Variants in TNFRSF10A observed in about 807,000 individuals in gnomAD.
TNFRSF10A encodes the protein TNF receptor superfamily member 10a, also known as tumor necrosis factor receptor superfamily member 10A.
TNFRSF10A carries 44 observed loss-of-function variants against 42.8 expected under a neutral mutation model. That is an observed-to-expected ratio of 1.03 (90% CI 0.81 to 1.32). The LOEUF is 1.32. Among genes scored for constraint, TNFRSF10A ranks in the 40% most tolerant of loss-of-function variants. TNFRSF10A has a pLI of 0.00. For synonymous variants in TNFRSF10A, 259 were observed against 234.2 expected (o/e 1.11, Z -0.97); for missense variants, 680 against 602.0 (o/e 1.13, Z -1.36).
At chr8:23,211,087 A>G (rs1801086672) in intron 2 of TNFRSF10A, among the ~76,000 whole-genome samples, 1 of 152,230 alleles carries the variant, frequency 6.6e-6, no homozygotes, top group Non-Finnish European at 1.5e-5. Context: ...AATAAAAAGC[A>G]TCCAGATTGG....
At chr8:23,224,595 A>C (rs2128852677) in intron 1 of TNFRSF10A, 161 bp downstream of exon 1, 1 of 957,796 alleles carries the variant, frequency 1.0e-6, no homozygotes, top group African/African-American at 1.7e-5. Context: ...GGCCCCGGGG[A>C]CCCCGTTCTT....
intron 9 of TNFRSF10A, among the ~76,000 whole-genome samples, chr8:23,195,851 C>T (rs963565553): frequency 6.6e-6 from 1 of 152,142 alleles, no homozygotes; most frequent in African/African-American, 2.4e-5. Context: ...CATGATGCCC[C>T]TCCTCAACCA....
chr8:23,218,012 G>A (rs1183623795), intron 1 of TNFRSF10A, among the ~76,000 whole-genome samples: 1 of 152,192 alleles, frequency 6.6e-6, no homozygotes, highest in African/African-American at 2.4e-5. Flanking sequence ...AGGCAGTCGG[G>A]GAGGGCAGTC....
rs577828128 is a variant in TNFRSF10A, at chr8:23,198,775, G to A, written c.1014+491C>T. 5.9e-5 allele frequency among the ~76,000 whole-genome samples: 9 copies of A among 152,202 alleles called. 1 individual carries two copies. The highest frequency in any genetic ancestry group is 1.3e-4 in the Admixed American group (2 of 15,286). ...TGTACATGCATGTGTGTGCATGTGC[G>A]TGTATGTGCGTGTACACAGTAAGCA... On this transcript the variant is annotated intron_variant, in intron 8 of 9. Transcript: ENST00000221132.
At chr8:23,207,770 A>T (rs1401159319) in intron 2 of TNFRSF10A, among the ~76,000 whole-genome samples, 2 of 152,128 alleles carry the variant, frequency 1.3e-5, no homozygotes. Context: ...CATCCATGTA[A>T]GACATGACTT....
Position 23,199,364 on chromosome 8 carries a change from G to A in TNFRSF10A, c.916C>T (p.Leu306=), listed in dbSNP as rs765974182. The part of the protein sequence containing the change: ...HNEILSNADS[L]STFVSEQQME... ...TGCTGCTCAGAGACGAAAGTGGACA[G>A]CGAGTCTGCGTTGCTCAGAATCTCG... The change falls in exon 8 of 10, where the codon CTG becomes TTG. Residue 306 remains leucine, a synonymous_variant. Transcript: ENST00000221132. 5 of 1,614,210 alleles carry A rather than the reference G, an allele frequency of 3.1e-6. No homozygotes were observed. The highest frequency in any genetic ancestry group is 4.5e-5 in the East Asian group (2 of 44,892).
rs750934579 is a variant in TNFRSF10A at position 23,202,770 on chromosome 8, G to T, written c.404-9C>A. ...TTCTGATCTATGAGATCCTGGGAAGGGAGAGAAAAGCCAATGAATGAATTG... is the reference window on the plus strand; with the variant it reads ...TTCTGATCTATGAGATCCTGGGAAGTGAGAGAAAAGCCAATGAATGAATTG... On this transcript the variant is annotated splice_polypyrimidine_tract_variant and intron_variant, in intron 2 of 9. Transcript: ENST00000221132. The T allele has an allele frequency of 1.3e-6, 2 of 1,591,770 alleles. No homozygotes were observed. Among genetic ancestry groups the T allele is most frequent in the African/African-American group, 1.3e-5 (1 of 74,726 alleles).
At chr8:23,220,424 C>A (rs1425854543) in intron 1 of TNFRSF10A, among the ~76,000 whole-genome samples, 1 of 152,216 alleles carries the variant, frequency 6.6e-6, no homozygotes, top group Non-Finnish European at 1.5e-5. Flanking sequence ...GACACTCAGG[C>A]TATCAAAGAG....
Position 23,217,117 on chromosome 8 carries a change from A to G in TNFRSF10A, c.307-4905T>C, listed in dbSNP as rs192026542. On this transcript the variant is annotated intron_variant, in intron 1 of 9. Transcript: ENST00000221132. ...TATCAGTTGCTGAGAAGGGGGTGAC[A>G]TGATCTCCCTTTAATCCTTTTGAGC... is the stretch of plus-strand genomic sequence containing the variant. 2.3e-3 allele frequency among the ~76,000 whole-genome samples: 355 copies of G among 152,346 alleles called. 4 individuals carry two copies. Among genetic ancestry groups the G allele is most frequent in the African/African-American group, 8.0e-3 (333 of 41,582 alleles).
chr8:23,223,433 A>G (rs796778338), intron 1 of TNFRSF10A, among the ~76,000 whole-genome samples: 13 of 152,316 alleles, frequency 8.5e-5, no homozygotes, highest in African/African-American at 3.1e-4. Flanking sequence ...CAGATGTTTC[A>G]CCTTGTCTAT....
chr8:23,205,711 C>CTTTTTT (rs35059862), intron 2 of TNFRSF10A, among the ~76,000 whole-genome samples: 2 of 130,844 alleles, frequency 1.5e-5, no homozygotes, highest in Non-Finnish European at 3.2e-5. Context: ...GTCTGTGTTT[C>CTTTTTT]TTTTTTTTTT....
At position 23,200,775 on chromosome 8, in the gene TNFRSF10A, G is replaced by T; in HGVS notation, c.630-15C>A. 1 of 1,545,476 alleles carries T rather than the reference G, an allele frequency of 6.5e-7. No individual in the cohort carries two copies. On this transcript the variant is annotated splice_polypyrimidine_tract_variant and intron_variant, in intron 4 of 9. Transcript: ENST00000221132. ...CTCTGGGGCACCTGGGTACACACAG[G>T]GAGGGAGGGGGGGGACTCTTGATGG...
At position 23,224,903 on chromosome 8, in the gene TNFRSF10A, T is replaced by G. The variant is rs779958602; in HGVS notation, c.159A>C (p.Gly53=). The G allele has an allele frequency of 6.3e-7, 1 of 1,594,646 alleles. No individual in the cohort carries two copies. Among genetic ancestry groups the G allele is most frequent in the East Asian group, 2.3e-5 (1 of 43,654 alleles). ...GRIEPRGGGR[G]ALPTSMGQHG... is the part of the protein sequence containing the mutation. ...GCTGTCCCATGGAGGTAGGGAGCGCTCCTCGGCCCCCGCCTCGTGGTTCAA... is the reference window on the plus strand; with the variant it reads ...GCTGTCCCATGGAGGTAGGGAGCGCGCCTCGGCCCCCGCCTCGTGGTTCAA... The change falls in exon 1 of 10, where the codon GGA becomes GGC. Residue 53 remains glycine (G), a synonymous_variant. Transcript: ENST00000221132.
chr8:23,198,735 GTGTGTGTGCATGTGTGTACATGCA>G (rs1222712519), intron 8 of TNFRSF10A, among the ~76,000 whole-genome samples: 2 of 152,160 alleles, frequency 1.3e-5, no homozygotes, highest in Non-Finnish European at 2.9e-5. Context: ...GTACGTGCAT[GTGTGTGTGCATGTGTGTACATGCA>G]TGTGTGTGCA....
chr8:23,209,933 A>G (rs564363117), intron 2 of TNFRSF10A, among the ~76,000 whole-genome samples: 124 of 152,230 alleles, frequency 8.1e-4, no homozygotes, highest in Middle Eastern at 3.4e-3. Flanking sequence ...ATACATTCTC[A>G]CTCAAATTTC....
At chr8:23,201,972 A>T in intron 3 of TNFRSF10A, 53 bp from the exon 4 acceptor site, 1 of 1,499,530 alleles carries the variant, frequency 6.7e-7, no homozygotes, top group Non-Finnish European at 9.2e-7. Flanking sequence ...GTGTCCCTTG[A>T]CCTTTCCTCA....
Position 23,191,993 on chromosome 8 carries a change from T to C in TNFRSF10A, c.1108A>G (p.Lys370Glu). Residue 370 changes from lysine (K) to glutamate (E), a missense_variant, in exon 10 of 10, where the codon AAG becomes GAG. Coordinates refer to ENST00000221132, the MANE Select transcript of TNFRSF10A (RefSeq NM_003844.4). ...PTETLMLFFD[K>E]FANIVPFDSW... ...TCAAAGGGCACGATGTTTGCAAACTTGTCAAAGAACAGCATCAGAGCTGGG... is the reference window on the plus strand; with the variant it reads ...TCAAAGGGCACGATGTTTGCAAACTCGTCAAAGAACAGCATCAGAGCTGGG... The C allele has an allele frequency of 6.2e-7, 1 of 1,613,844 alleles. No individual in the cohort carries two copies. The highest frequency in any genetic ancestry group is 1.1e-5 in the South Asian group (1 of 91,062).
intron 1 of TNFRSF10A, chr8:23,224,299 CAAAAA>C (rs71208595): frequency 1.5e-4 from 15 of 101,760 alleles, no homozygotes; most frequent in South Asian, 1.1e-3. Flanking sequence ...GACTCCGTTT[CAAAAA>C]AAAAAAAAAA....
intron 1 of TNFRSF10A, among the ~76,000 whole-genome samples, chr8:23,223,671 G>A (rs1270869438): frequency 6.6e-6 from 1 of 152,198 alleles, no homozygotes; most frequent in Non-Finnish European, 1.5e-5. Flanking sequence ...TTGTAAGACT[G>A]GTTTATCCTT....
Sources: gnomAD v4.1 joint callset for allele counts (sites outside exome capture counted in the v4.1 genomes callset) on GRCh38, gnomAD v4.1.1 for gene constraint, MANE v1.5 for transcripts, NCBI Gene and HGNC (gene_info 2026-07-23, HGNC 2026-07-21) for gene names.